Variants in SPTLC1 observed in about 807,000 individuals in gnomAD.
SPTLC1 encodes the protein serine palmitoyltransferase long chain base subunit 1, also known as serine palmitoyltransferase 1.
A neutral mutation model predicts 68.9 loss-of-function variants in SPTLC1; 55 were observed. That is an observed-to-expected ratio of 0.80 (90% CI 0.64 to 1.00). The LOEUF is 1.00. SPTLC1 is among the 50% of genes least tolerant of loss of function. SPTLC1 has a pLI of 0.00. For synonymous variants in SPTLC1, 197 were observed against 201.6 expected (o/e 0.98, Z 0.19); for missense variants, 449 against 573.1 (o/e 0.78, Z 2.21).
chr9:92,060,887 T>C (rs560547862), intron 6 of SPTLC1, among the ~76,000 whole-genome samples: 62 of 144,124 alleles, frequency 4.3e-4, no homozygotes, highest in Middle Eastern at 3.7e-3. Flanking sequence ...CATTCCAGCC[T>C]GGGTGACAGA....
intron 6 of SPTLC1, among the ~76,000 whole-genome samples, chr9:92,062,332 T>C (rs780174669): frequency 1.3e-5 from 2 of 151,968 alleles, no homozygotes; most frequent in Non-Finnish European, 2.9e-5. Context: ...ATCCTAAATA[T>C]GAACTAAACA....
At chr9:92,093,463 A>G (rs1835435807) in intron 3 of SPTLC1, among the ~76,000 whole-genome samples, 1 of 152,202 alleles carries the variant, frequency 6.6e-6, no homozygotes, top group South Asian at 2.1e-4. Context: ...GTGAATAAAC[A>G]AGTGTGCACA....
intron 5 of SPTLC1, among the ~76,000 whole-genome samples, chr9:92,072,345 C>G (rs1834524767): frequency 6.6e-6 from 1 of 152,128 alleles, no homozygotes; most frequent in Non-Finnish European, 1.5e-5. Context: ...AGACAAGGAA[C>G]CTTCCTCTTA....
chr9:92,055,614 T>C, intron 7 of SPTLC1, 120 bp from the exon 8 acceptor site: 1 of 1,003,102 alleles, frequency 1.0e-6, no homozygotes, highest in Non-Finnish European at 1.5e-6. Context: ...TCTGAATGAA[T>C]TGAAAGCTCA....
chr9:92,092,233 C>T (rs1835386596), intron 3 of SPTLC1, among the ~76,000 whole-genome samples: 2 of 151,896 alleles, frequency 1.3e-5, no homozygotes, highest in Admixed American at 6.6e-5. Flanking sequence ...GCAAAATTTA[C>T]AATAAAGTAA....
At chr9:92,096,348 T>A (rs144723875) in intron 3 of SPTLC1, among the ~76,000 whole-genome samples, 50 of 152,290 alleles carry the variant, frequency 3.3e-4, no homozygotes, top group African/African-American at 1.2e-3. Flanking sequence ...ATATGTTAAT[T>A]TGATTGTGGT....
chr9:92,052,534 A>ATTAT (rs1168145649), intron 8 of SPTLC1, among the ~76,000 whole-genome samples: 43 of 147,556 alleles, frequency 2.9e-4, no homozygotes, highest in African/African-American at 1.0e-3. Context: ...TATTATTATT[A>ATTAT]TTTTTTTTTT....
intron 13 of SPTLC1, among the ~76,000 whole-genome samples, chr9:92,035,616 C>T (rs548876464): frequency 3.9e-5 from 6 of 152,120 alleles, no homozygotes; most frequent in African/African-American, 1.2e-4. Flanking sequence ...ATACTAAAAG[C>T]CACTTAACGA....
intron 6 of SPTLC1, among the ~76,000 whole-genome samples, chr9:92,064,607 G>A (rs1254408793): frequency 1.3e-5 from 2 of 152,174 alleles, no homozygotes; most frequent in Admixed American, 1.3e-4. Context: ...TCCTTGGCAT[G>A]TATTCCACAG....
Position 92,050,236 on chromosome 9 carries a change from T to C in SPTLC1, c.781-169A>G, listed in dbSNP as rs1587918736. On this transcript the variant is annotated intron_variant, in intron 8 of 14. Transcript: ENST00000262554. ...AACTTATTTGCAACCTCCATATCAATACTTTTTTCCTGTCATCACGGATAT... is the reference window on the plus strand; with the variant it reads ...AACTTATTTGCAACCTCCATATCAACACTTTTTTCCTGTCATCACGGATAT... The C allele has an allele frequency of 6.7e-6, 4 of 595,154 alleles. No individual in the cohort carries two copies. In the Admixed American group the frequency reaches 1.1e-4, roughly 16 times the overall value. 36.9% of individuals were successfully genotyped at this position (595,154 alleles called of 1,614,324 possible).
In SPTLC1 at chr9:92,113,466, T is replaced by C. The variant is rs559019035; in HGVS notation, c.58-904A>G. ...ATAAAAATCACAAACACCACTTCTT[T>C]TCCTTCCCAGGAAATGTTACATACA... On this transcript the variant is annotated intron_variant, in intron 1 of 14. Coordinates refer to ENST00000262554, the MANE Select transcript of SPTLC1 (RefSeq NM_006415.4). Among the ~76,000 whole-genome samples the C allele has an allele frequency of 3.9e-5, 6 of 152,360 alleles. No individual in the cohort carries two copies. In the South Asian group the frequency reaches 1.2e-3, roughly 32 times the overall value.
intron 3 of SPTLC1, among the ~76,000 whole-genome samples, chr9:92,088,787 G>A (rs1287093182): frequency 3.9e-5 from 6 of 152,216 alleles, no homozygotes; most frequent in African/African-American, 1.4e-4. Flanking sequence ...TTTCCGGTGA[G>A]AAATGGAAGT....
At chr9:92,091,464 T>A (rs147915175) in intron 3 of SPTLC1, among the ~76,000 whole-genome samples, 1 of 152,346 alleles carries the variant, frequency 6.6e-6, no homozygotes, top group Non-Finnish European at 1.5e-5. Flanking sequence ...CCAAGATGCC[T>A]AGGAAGAATT....
intron 3 of SPTLC1, among the ~76,000 whole-genome samples, chr9:92,099,322 T>C (rs187916333): frequency 1.3e-3 from 203 of 152,318 alleles, no homozygotes; most frequent in Non-Finnish European, 2.3e-3. Flanking sequence ...ATTCCAGGCC[T>C]GGGCACAGTG....
At position 92,085,039 on chromosome 9, in the gene SPTLC1, G is replaced by C. The variant is rs1334515408; in HGVS notation, c.261-4076C>G. 5.9e-5 allele frequency among the ~76,000 whole-genome samples: 9 copies of C among 151,562 alleles called. No homozygotes were observed. In the East Asian group the frequency reaches 1.6e-3, roughly 26 times the overall value. On this transcript the variant is annotated intron_variant, in intron 3 of 14. Coordinates refer to ENST00000262554, the MANE Select transcript of SPTLC1 (RefSeq NM_006415.4). ...CTAGTTTATTTGCGTAGAGGTGTTT[G>C]TAGTATTCTCTGATGGTAGTTTGTA...
At chr9:92,072,953 C>T (rs1834550154) in intron 5 of SPTLC1, among the ~76,000 whole-genome samples, 1 of 151,704 alleles carries the variant, frequency 6.6e-6, no homozygotes, top group African/African-American at 2.4e-5. Flanking sequence ...CAATCTTTCT[C>T]CCCCCAACCC....
At chr9:92,085,683 AGGTGT>A (rs1212895456) in intron 3 of SPTLC1, among the ~76,000 whole-genome samples, 14 of 151,462 alleles carry the variant, frequency 9.2e-5, no homozygotes, top group African/African-American at 3.2e-4. Flanking sequence ...ATTTTGGAAT[AGGTGT>A]GGTGTGGTGC....
intron 3 of SPTLC1, among the ~76,000 whole-genome samples, chr9:92,095,789 G>A (rs143026593): frequency 1.1e-4 from 16 of 152,302 alleles, no homozygotes; most frequent in Middle Eastern, 6.8e-3. Flanking sequence ...ATAAGTCAAA[G>A]AGATCAAAGA....
chr9:92,053,783 G>T (rs1317200386), intron 8 of SPTLC1: 1 of 182,046 alleles, frequency 5.5e-6, no homozygotes, highest in Non-Finnish European at 1.0e-5. Flanking sequence ...GGGAGTGACT[G>T]TTTAATGGGT....
Sources: allele counts gnomAD v4.1 joint callset (sites outside exome capture counted in the v4.1 genomes callset), GRCh38; gene constraint gnomAD v4.1.1; transcripts MANE v1.5; gene names NCBI Gene and HGNC (gene_info 2026-07-23, HGNC 2026-07-21).